Variants in MAPK8 observed in about 807,000 individuals in gnomAD.
The protein encoded by MAPK8 is mitogen-activated protein kinase 8, also known as JUN N-terminal kinase.
Under a neutral mutation model 52.9 loss-of-function variants are expected in MAPK8, and 13 were observed. The observed-to-expected ratio is 0.25, with a 90% CI of 0.16 to 0.39. MAPK8 has a LOEUF of 0.39. Ranked by LOEUF, MAPK8 falls within the 10% of genes least tolerant of loss-of-function variation. MAPK8 has a pLI of 1.00. For synonymous variants in MAPK8, 191 were observed against 169.8 expected, an observed-to-expected ratio of 1.12 and a Z score of -0.97; for missense variants, 300 against 519.2, an observed-to-expected ratio of 0.58 and a Z score of 4.10.
At chr10:48,313,438 A>C (rs541970987) in intron 1 of MAPK8, among the ~76,000 whole-genome samples, 23 of 152,242 alleles carry the variant, frequency 1.5e-4, no homozygotes, top group African/African-American at 2.9e-4. Flanking sequence ...CTGTCTCAAA[A>C]AACAACAACA....
chr10:48,329,547 G>A (rs1034409068), intron 1 of MAPK8, among the ~76,000 whole-genome samples: 4 of 151,886 alleles, frequency 2.6e-5, no homozygotes, highest in Non-Finnish European at 5.9e-5. Context: ...TTTAGAGTAT[G>A]AATTTTAAAG....
At chr10:48,386,232 A>G (rs1274344421) in intron 1 of MAPK8, among the ~76,000 whole-genome samples, 1 of 152,116 alleles carries the variant, frequency 6.6e-6, no homozygotes, top group Admixed American at 6.5e-5. Flanking sequence ...AAGGAATGAG[A>G]TTTTTCAGTA....
intron 1 of MAPK8, among the ~76,000 whole-genome samples, chr10:48,375,343 A>G (rs1318700622): frequency 6.6e-6 from 1 of 152,008 alleles, no homozygotes; most frequent in Admixed American, 6.6e-5. Context: ...ACAAGGATGC[A>G]CTCTCTCACC....
intron 1 of MAPK8, among the ~76,000 whole-genome samples, chr10:48,346,471 C>T (rs568756597): frequency 4.6e-5 from 7 of 152,318 alleles, no homozygotes; most frequent in African/African-American, 7.2e-5. Flanking sequence ...GGAAGACGCC[C>T]GTTACCAGGC....
rs114688334 is a variant in MAPK8 at position 48,359,748 on chromosome 10, A to G, written c.-49-41864A>G. On this transcript the variant is annotated intron_variant, in intron 1 of 11. Transcript: ENST00000374189. ...AAATTGGATACCTTCCTCACATCGT[A>G]TAAAAATCAGTTCCAGGTTGAATAA... Among the ~76,000 whole-genome samples, 1,041 of 152,372 alleles carry G rather than the reference A, an allele frequency of 6.8e-3. 14 individuals carry two copies. The highest frequency in any genetic ancestry group is 0.024 in the African/African-American group (982 of 41,584).
At chr10:48,426,320 G>A (rs908345055) in intron 8 of MAPK8, 60 bp from the exon 9 acceptor site, 3 of 1,448,718 alleles carry the variant, frequency 2.1e-6, no homozygotes, top group Admixed American at 2.5e-5. Context: ...ATTGCTGAAA[G>A]TTATTAATAA....
intron 1 of MAPK8, among the ~76,000 whole-genome samples, chr10:48,325,656 G>C (rs936321152): frequency 6.6e-6 from 1 of 152,168 alleles, no homozygotes; most frequent in African/African-American, 2.4e-5. Context: ...TTAGTGAAAA[G>C]TATTGGTACA....
intron 1 of MAPK8, among the ~76,000 whole-genome samples, chr10:48,363,714 C>G (rs530466049): frequency 6.6e-6 from 1 of 152,298 alleles, no homozygotes; most frequent in South Asian, 2.1e-4. Flanking sequence ...CTAGATGGCT[C>G]AAGTGCACCA....
chr10:48,405,865 T>C (rs2042436359), intron 3 of MAPK8, among the ~76,000 whole-genome samples: 1 of 142,106 alleles, frequency 7.0e-6, no homozygotes, highest in Non-Finnish European at 1.5e-5. Flanking sequence ...CCTCTGTGTA[T>C]TGGAGTTACT....
Position 48,437,614 on chromosome 10 carries a change from G to C in MAPK8, c.*2585G>C, listed in dbSNP as rs1397674123. On this transcript the variant is annotated 3_prime_UTR_variant, in exon 12 of 12. Coordinates refer to ENST00000374189, the MANE Select transcript of MAPK8 (RefSeq NM_001323329.2). ...TGGCCATTTGTAAAACCATTGTGTTGTTGGGATCACTTAGTTATACTATAC... is the reference window on the plus strand; with the variant it reads ...TGGCCATTTGTAAAACCATTGTGTTCTTGGGATCACTTAGTTATACTATAC... The C allele has an allele frequency of 3.9e-5, 6 of 152,138 alleles. No homozygotes were observed. The South Asian group carries it at 1.2e-3, about 32-fold the overall frequency. The allele number at this position is 152,138 out of a possible 1,614,324, so 9.4% of individuals were successfully genotyped here. A position where few individuals can be genotyped will look rare whatever the true frequency, so the allele number is the denominator to read the frequency against.
chr10:48,401,284 CTG>C (rs1564584417), intron 1 of MAPK8, among the ~76,000 whole-genome samples: 1 of 152,124 alleles, frequency 6.6e-6, no homozygotes, highest in Non-Finnish European at 1.5e-5. Flanking sequence ...AAATTTTAAA[CTG>C]TGGAGTGACG....
At chr10:48,386,919 G>C (rs2041348134) in intron 1 of MAPK8, among the ~76,000 whole-genome samples, 1 of 152,156 alleles carries the variant, frequency 6.6e-6, no homozygotes, top group Non-Finnish European at 1.5e-5. Flanking sequence ...TTGGAAACAA[G>C]TTCTGAATTA....
At chr10:48,334,381 G>A (rs988946899) in intron 1 of MAPK8, among the ~76,000 whole-genome samples, 8 of 152,046 alleles carry the variant, frequency 5.3e-5, no homozygotes, top group African/African-American at 1.5e-4. Flanking sequence ...CTCGCAGAAC[G>A]GAACTGCAGA....
At chr10:48,398,017 G>A (rs2041975918) in intron 1 of MAPK8, among the ~76,000 whole-genome samples, 1 of 152,190 alleles carries the variant, frequency 6.6e-6, no homozygotes, top group Non-Finnish European at 1.5e-5. Context: ...TTTCTAGTTT[G>A]ATTAATAGTT....
At chr10:48,380,764 CAG>C (rs1401221968) in intron 1 of MAPK8, among the ~76,000 whole-genome samples, 2 of 152,066 alleles carry the variant, frequency 1.3e-5, no homozygotes, top group Non-Finnish European at 2.9e-5. Context: ...GTAAATTAAA[CAG>C]ATATCAAGAT....
Position 48,330,721 on chromosome 10 carries a change from G to A in MAPK8, c.-50+23900G>A, listed in dbSNP as rs558286827. Among the ~76,000 whole-genome samples the A allele has an allele frequency of 7.2e-4, 109 of 152,136 alleles. 1 individual carries two copies. Among genetic ancestry groups the A allele is most frequent in the Admixed American group, 1.2e-3 (18 of 15,270 alleles). Reference sequence around the variant, plus strand: ...TCTCTTCCCCAGTTCCTCACTGGTCGAGTACTATGGGGTTACAGTCTTCCC... The same window carrying A: ...TCTCTTCCCCAGTTCCTCACTGGTCAAGTACTATGGGGTTACAGTCTTCCC... On this transcript the variant is annotated intron_variant, in intron 1 of 11. Transcript: ENST00000374189.
At chr10:48,382,576 A>G (rs1398224103) in intron 1 of MAPK8, among the ~76,000 whole-genome samples, 1 of 151,976 alleles carries the variant, frequency 6.6e-6, no homozygotes, top group African/African-American at 2.4e-5. Context: ...AGTTTATTGT[A>G]TATGCCTGAA....
intron 1 of MAPK8, among the ~76,000 whole-genome samples, chr10:48,374,049 AG>A (rs1220514956): frequency 6.6e-6 from 1 of 152,152 alleles, no homozygotes; most frequent in Non-Finnish European, 1.5e-5. Context: ...ACAGTCTCTC[AG>A]ACCACAGTGC....
At position 48,439,340 on chromosome 10, in the gene MAPK8, AGTG is replaced by A. The variant is rs752035268; in HGVS notation, c.*4314_*4316del. 2.4e-4 allele frequency: 37 copies of A among 151,220 alleles called. No individual in the cohort carries two copies. Among genetic ancestry groups the A allele is most frequent in the African/African-American group, 3.9e-4 (16 of 41,070 alleles). The allele number at this position is 151,220 out of a possible 1,614,324, so 9.4% of individuals were successfully genotyped here. On this transcript the variant is annotated 3_prime_UTR_variant, in exon 12 of 12. Coordinates refer to ENST00000374189, the MANE Select transcript of MAPK8 (RefSeq NM_001323329.2). Reference sequence around the variant, plus strand: ...TAATATTTTAAATAAAAAAGAAAAAAGTGGTATGAAAATTATGAAATTAAGAGT... The same window carrying A: ...TAATATTTTAAATAAAAAAGAAAAAAGTATGAAAATTATGAAATTAAGAGT...
Sources: gnomAD v4.1 joint callset for allele counts (sites outside exome capture counted in the v4.1 genomes callset) on GRCh38, gnomAD v4.1.1 for gene constraint, MANE v1.5 for transcripts, NCBI Gene and HGNC (gene_info 2026-07-23, HGNC 2026-07-21) for gene names.